Variants in DEPDC1 observed in about 807,000 individuals in gnomAD.
DEPDC1 encodes DEP domain containing 1.
DEPDC1 carries 66 observed loss-of-function variants against 86.8 expected under a neutral mutation model. That is an observed-to-expected ratio of 0.76 (90% confidence interval 0.62 to 0.93). The LOEUF (loss-of-function observed/expected upper bound fraction) is 0.93. Among genes scored for constraint, DEPDC1 ranks in the 40% least tolerant of loss-of-function variants. The pLI is 0.00. For missense variants in DEPDC1, 792 were observed against 935.7 expected, an observed-to-expected ratio of 0.85 and a Z score of 2.00; for synonymous variants, 255 against 314.9, an observed-to-expected ratio of 0.81 and a Z score of 2.02.
At chr1:68,488,251 G>C in intron 5 of DEPDC1, 123 bp downstream of exon 5, 2 of 818,954 alleles carry the variant, frequency 2.4e-6, no homozygotes, top group Non-Finnish European at 1.8e-6. Context: ...AAGAACTTAT[G>C]ATAGCCCCTC....
chr1:68,488,263 G>T, intron 5 of DEPDC1, 111 bp downstream of exon 5: 2 of 991,920 alleles, frequency 2.0e-6, no homozygotes, highest in Non-Finnish European at 2.8e-6. Flanking sequence ...TAGCCCCTCT[G>T]ATGCTCCATG....
chr1:68,496,165 G>A lies in DEPDC1; in HGVS notation c.48+787C>T, dbSNP rs867179131. On this transcript the variant is annotated intron_variant, in intron 1 of 11. Coordinates refer to ENST00000456315, the MANE Select transcript of DEPDC1 (RefSeq NM_001114120.3). The surrounding 1 kb of genome is among the most constrained non-coding windows in gnomAD (Gnocchi z 4.0). The stretch of plus-strand genomic sequence containing the variant: ...CTAATAATACATGCTCGTCTGAAGG[G>A]CATTCCTAAGAGGAAAATGCTTGTT... 6.6e-6 allele frequency among the ~76,000 whole-genome samples: 1 copy of A among 152,160 alleles called. No homozygotes were observed. The highest frequency in any genetic ancestry group is 1.5e-5 in the Non-Finnish European group (1 of 68,022).
At chr1:68,484,116 AG>A in intron 6 of DEPDC1, 26 bp from the exon 7 acceptor site, 1 of 1,487,394 alleles carries the variant, frequency 6.7e-7, no homozygotes, top group South Asian at 1.3e-5. Context: ...CAAGAGAAAA[AG>A]GTAAAGTATA....
At position 68,496,917 on chromosome 1, in the gene DEPDC1, C is replaced by T. The variant is rs1343870169; in HGVS notation, c.48+35G>A. 1 of 1,594,624 alleles carries T rather than the reference C, an allele frequency of 6.3e-7. No individual in the cohort carries two copies. Among genetic ancestry groups the T allele is most frequent in the Non-Finnish European group, 8.6e-7 (1 of 1,165,876 alleles). On this transcript the variant is annotated intron_variant, in intron 1 of 11. Transcript: ENST00000456315. The surrounding 1 kb of genome is among the most constrained non-coding windows in gnomAD (Gnocchi z 4.0). Reference sequence around the variant, plus strand: ...GCGAACAGTGGTGACTGCCGTCAGCCCGCTGACCGGTCCCGTCTATCCGAG... The same window carrying T: ...GCGAACAGTGGTGACTGCCGTCAGCTCGCTGACCGGTCCCGTCTATCCGAG...
At chr1:68,489,102 ATTC>A in intron 3 of DEPDC1, 68 bp from the exon 4 acceptor site, 1 of 937,472 alleles carries the variant, frequency 1.1e-6, no homozygotes, top group Non-Finnish European at 1.7e-6. Flanking sequence ...AGCAACAATA[ATTC>A]TATTACTATC....
intron 5 of DEPDC1, 91 bp from the exon 6 acceptor site, chr1:68,487,075 T>C (rs1443547242): frequency 1.7e-5 from 20 of 1,160,940 alleles, no homozygotes; most frequent in Non-Finnish European, 2.3e-5. Flanking sequence ...ATTATATATA[T>C]GTATATACAC....
chr1:68,495,251 T>C (rs1488089298), intron 1 of DEPDC1, among the ~76,000 whole-genome samples: 1 of 152,220 alleles, frequency 6.6e-6, no homozygotes, highest in Non-Finnish European at 1.5e-5. Context: ...TTGGCTGATC[T>C]AAGATCCTTA....
At chr1:68,495,439 AT>A (rs1318821506) in intron 1 of DEPDC1, among the ~76,000 whole-genome samples, 3 of 152,162 alleles carry the variant, frequency 2.0e-5, no homozygotes, top group Non-Finnish European at 2.9e-5. Context: ...TTAATTTCTC[AT>A]TTTTCACATA....
chr1:68,494,972 G>A (rs964888900), intron 1 of DEPDC1, among the ~76,000 whole-genome samples: 6 of 152,006 alleles, frequency 3.9e-5, no homozygotes, highest in South Asian at 2.1e-4. Flanking sequence ...GAGAAACTCC[G>A]TCTCTACTAA....
intron 9 of DEPDC1, among the ~76,000 whole-genome samples, chr1:68,479,845 A>G (rs1173854006): frequency 6.6e-6 from 1 of 151,838 alleles, no homozygotes; most frequent in Non-Finnish European, 1.5e-5. Flanking sequence ...TGTAATTCCC[A>G]AGAATTATAA....
chr1:68,489,158 T>C, intron 3 of DEPDC1, 124 bp from the exon 4 acceptor site: 1 of 676,594 alleles, frequency 1.5e-6, no homozygotes, highest in African/African-American at 1.8e-5. Flanking sequence ...AGAAATAATG[T>C]AATATGGTAA....
chr1:68,481,460 C>T lies in DEPDC1; in HGVS notation c.1915G>A (p.Ala639Thr). 1.2e-6 allele frequency: 2 copies of T among 1,612,092 alleles called. No individual in the cohort carries two copies. The highest frequency in any genetic ancestry group is 2.2e-5 in the East Asian group (1 of 44,826). Residue 639 changes from alanine to threonine, a missense_variant, in exon 9 of 12, where the codon GCA becomes ACA. Transcript: ENST00000456315. ...CTTACCAGTGACCTCGTACCCATTG[C>T]ATCATGAAGTTTGGGCATATCAACA... The part of the protein sequence containing the change: ...QNVDMPKLHD[A>T]MGTRSLMIHT...
In DEPDC1 at chr1:68,474,536, T is replaced by G. The variant is rs996222840; in HGVS notation, c.*2396A>C. 6.6e-6 allele frequency: 1 copy of G among 152,092 alleles called. No individual in the cohort carries two copies. Among genetic ancestry groups the G allele is most frequent in the African/African-American group, 2.4e-5 (1 of 41,428 alleles). 9.4% of individuals were successfully genotyped at this position (152,092 alleles called of 1,614,324 possible). A position where few individuals can be genotyped will look rare whatever the true frequency, so the allele number is the denominator to read the frequency against. ...TACAGAATAACCAGACATCATCTGA[T>G]CTGGTGAAACCTGTGCATTCCCACA... is the stretch of plus-strand genomic sequence containing the variant. On this transcript the variant is annotated 3_prime_UTR_variant, in exon 12 of 12. Transcript: ENST00000456315.
intron 10 of DEPDC1, 56 bp from the exon 11 acceptor site, chr1:68,478,028 A>G: frequency 2.3e-6 from 3 of 1,291,224 alleles, no homozygotes; most frequent in East Asian, 2.5e-5. Flanking sequence ...CTTATATGAT[A>G]AAGTATTCTT....
chr1:68,480,485 T>C (rs72674342), intron 9 of DEPDC1, among the ~76,000 whole-genome samples: 10,979 of 151,998 alleles, frequency 0.072, 521 homozygotes, highest in African/African-American at 0.14. Context: ...TCTACTCTCA[T>C]AGCTTCAAGT....
chr1:68,484,091 C>A lies in DEPDC1; in HGVS notation c.770-1G>T. 1 of 1,542,128 alleles carries A rather than the reference C, an allele frequency of 6.5e-7. No homozygotes were observed. Among genetic ancestry groups the A allele is most frequent in the Non-Finnish European group, 8.7e-7 (1 of 1,152,686 alleles). ...TTATTCATATCATTGCTTCTTGGCC[C>A]TAAGAAGTAGAAGGCAAGAGAAAAA... On this transcript the variant is annotated splice_acceptor_variant, in intron 6 of 11. Coordinates refer to ENST00000456315, the MANE Select transcript of DEPDC1 (RefSeq NM_001114120.3). LOFTEE classifies it high-confidence loss of function.
In DEPDC1 at chr1:68,476,913, T is replaced by C. The variant is rs1345652163; in HGVS notation, c.*19A>G. On this transcript the variant is annotated 3_prime_UTR_variant, in exon 12 of 12. Coordinates refer to ENST00000456315, the MANE Select transcript of DEPDC1 (RefSeq NM_001114120.3). ...TTATCAAAGTTCCACAAGTATTACATAATTTTTAATTCAGTTAGTTATCTT... is the reference window on the plus strand; with the variant it reads ...TTATCAAAGTTCCACAAGTATTACACAATTTTTAATTCAGTTAGTTATCTT... 1.9e-6 allele frequency: 3 copies of C among 1,546,274 alleles called. No homozygotes were observed. Among genetic ancestry groups the C allele is most frequent in the Non-Finnish European group, 2.6e-6 (3 of 1,141,628 alleles).
rs1159874910 is a variant in DEPDC1 at position 68,482,651 on chromosome 1, CTTAAA to C, written c.1152_1156del (p.Asn384LysfsTer8). On this transcript the variant is annotated frameshift_variant, in exon 8 of 12. Coordinates refer to ENST00000456315, the MANE Select transcript of DEPDC1 (RefSeq NM_001114120.3). LOFTEE classifies it high-confidence loss of function. Reference sequence around the variant, plus strand: ...GTCATTAGCACTCACTCTTCTGTTTCTTAAATTAACTAGCTGCATTTTCTTAGCAC... The same window carrying C: ...GTCATTAGCACTCACTCTTCTGTTTCTTAACTAGCTGCATTTTCTTAGCAC... 1 of 1,612,490 alleles carries C rather than the reference CTTAAA, an allele frequency of 6.2e-7. No homozygotes were observed. Among genetic ancestry groups the C allele is most frequent in the Non-Finnish European group, 8.5e-7 (1 of 1,179,222 alleles).
rs1284235320 is a variant in DEPDC1, at chr1:68,497,073, G to C, written c.-74C>G. On this transcript the variant is annotated 5_prime_UTR_variant, in exon 1 of 12. Transcript: ENST00000456315. ...GGCCCAGCGGCCGCGGCAGTGGCGA[G>C]TCTCGGCACAACCGTTGGCCCCGCC... The C allele has an allele frequency of 1.3e-6, 2 of 1,536,680 alleles. No homozygotes were observed. Among genetic ancestry groups the C allele is most frequent in the East Asian group, 2.3e-5 (1 of 43,848 alleles).
Sources: gnomAD v4.1 joint callset for allele counts (sites outside exome capture counted in the v4.1 genomes callset) on GRCh38, gnomAD v4.1.1 for gene constraint, Gnocchi (gnomAD v3.1) non-coding constraint, MANE v1.5 for transcripts, NCBI Gene and HGNC (gene_info 2026-07-23, HGNC 2026-07-21) for gene names.